The following EEF1AKMT4 variants were observed in gnomAD, a reference collection of about 807,000 sequenced individuals.
EEF1AKMT4 encodes EEF1A lysine methyltransferase 4.
In EEF1AKMT4, 17 loss-of-function variants were observed where a neutral mutation model predicts 23.0. The ratio of observed to expected loss-of-function variants is 0.74; its 90% CI spans 0.51 to 1.11. The LOEUF (loss-of-function observed/expected upper bound fraction) is 1.11. Among genes scored for constraint, EEF1AKMT4 ranks in the 50% least tolerant of loss-of-function variants. The pLI, the probability that EEF1AKMT4 is intolerant of heterozygous loss-of-function variation, is 0.00. For synonymous variants in EEF1AKMT4, 140 were observed against 141.4 expected, an observed-to-expected ratio of 0.99 and a Z score of 0.07; for missense variants, 318 against 333.4, an observed-to-expected ratio of 0.95 and a Z score of 0.36.
Position 184,257,703 on chromosome 3 carries a change from C to T in EEF1AKMT4, c.427C>T (p.Pro143Ser). Residue 143 changes from proline to serine, a missense_variant, in exon 2 of 3, where the codon CCC (proline) becomes TCC (serine). Pro to Ser is a moderately conservative substitution (Grantham distance 74, BLOSUM62 -1). Coordinates refer to ENST00000324557, the MANE Select transcript of EEF1AKMT4 (RefSeq NM_032331.4). Reference sequence around the variant, plus strand: ...TGCCCTGCTGGCTGGGGAACGAGATCCCTGGACCGTGTCCTCTGAAGGTGT... The same window carrying T: ...TGCCCTGCTGGCTGGGGAACGAGATTCCTGGACCGTGTCCTCTGAAGGTGT... ...LDALLAGERD[P>S]WTVSSEGVHT... The T allele has an allele frequency of 6.2e-7, 1 of 1,614,080 alleles. No individual in the cohort carries two copies. The highest frequency in any genetic ancestry group is 8.5e-7 in the Non-Finnish European group (1 of 1,180,028).
At position 184,257,528 on chromosome 3, in the gene EEF1AKMT4, G is replaced by A; in HGVS notation, c.252G>A (p.Val84=). The A allele has an allele frequency of 6.2e-7, 1 of 1,614,064 alleles. No individual in the cohort carries two copies. The highest frequency in any genetic ancestry group is 8.5e-7 in the Non-Finnish European group (1 of 1,180,008). ...TGTTCCTCGGAGGCTTCCCTAATGT[G>A]ACCAGTGTGGACTACTCATCAGTCG... is the stretch of plus-strand genomic sequence containing the variant. The part of the protein sequence containing the change: ...YELFLGGFPN[V]TSVDYSSVVV... Residue 84 remains valine (V), a synonymous_variant, in exon 2 of 3, where the codon GTG becomes GTA. Transcript: ENST00000324557.
intron 2 of EEF1AKMT4, 114 bp from the exon 3 acceptor site, chr3:184,258,174 C>A: frequency 1.0e-6 from 1 of 1,003,140 alleles, no homozygotes; most frequent in Non-Finnish European, 1.5e-6. Flanking sequence ...AAAGCCTGAG[C>A]TACAGATGTG....
chr3:184,258,545 T>C lies in EEF1AKMT4; in HGVS notation c.738T>C (p.His246=). 1 of 1,603,888 alleles carries C rather than the reference T, an allele frequency of 6.2e-7. No homozygotes were observed. Among genetic ancestry groups the C allele is most frequent in the Non-Finnish European group, 8.5e-7 (1 of 1,174,544 alleles). The change falls in exon 3 of 3, where the codon CAT becomes CAC. Residue 246 remains histidine, a synonymous_variant. Transcript: ENST00000324557. ...CTTGCTTCCTTCAGGACTCAGATCA[T>C]GAGGACTTCCTTAGTGCCATTCAGC... The part of the protein sequence containing the change: ...TSPCFLQDSD[H]EDFLSAIQL
chr3:184,249,980 T>A, intron 1 of EEF1AKMT4, 90 bp downstream of exon 1: 1 of 1,435,424 alleles, frequency 7.0e-7, no homozygotes, highest in Non-Finnish European at 9.4e-7. Context: ...CCCGCCTGTC[T>A]ATCCCTCTTG....
At chr3:184,254,128 A>G (rs2108449404) in intron 1 of EEF1AKMT4, among the ~76,000 whole-genome samples, 1 of 152,316 alleles carries the variant, frequency 6.6e-6, no homozygotes, top group East Asian at 1.9e-4. Context: ...CAGAGAACAG[A>G]GTACCCTGTT....
chr3:184,250,039 C>A, intron 1 of EEF1AKMT4, 149 bp downstream of exon 1: 1 of 871,964 alleles, frequency 1.1e-6, no homozygotes, highest in Non-Finnish European at 1.7e-6. Flanking sequence ...AGAGTCCCGG[C>A]TGTATTTAGT....
chr3:184,258,663 G>A lies in EEF1AKMT4; in HGVS notation c.*88G>A. The A allele has an allele frequency of 6.7e-7, 1 of 1,503,068 alleles. No individual in the cohort carries two copies. The highest frequency in any genetic ancestry group is 8.8e-7 in the Non-Finnish European group (1 of 1,130,314). The allele number at this position is 1,503,068 out of a possible 1,614,324, so 93.1% of individuals were successfully genotyped here. A position where few individuals can be genotyped will look rare whatever the true frequency, so the allele number is the denominator to read the frequency against. ...TTCCTGACTTAGGACTTGGGGTTGG[G>A]TCCAAGGTGCTTACATCCCAGGGGC... On this transcript the variant is annotated 3_prime_UTR_variant, in exon 3 of 3. Coordinates refer to ENST00000324557, the MANE Select transcript of EEF1AKMT4 (RefSeq NM_032331.4).
chr3:184,257,539 A>G lies in EEF1AKMT4; in HGVS notation c.263A>G (p.Asp88Gly). 1 of 1,614,126 alleles carries G rather than the reference A, an allele frequency of 6.2e-7. No individual in the cohort carries two copies. Among genetic ancestry groups the G allele is most frequent in the Non-Finnish European group, 8.5e-7 (1 of 1,180,024 alleles). ...GGCTTCCCTAATGTGACCAGTGTGG[A>G]CTACTCATCAGTCGTGGTGGCTGCC... ...LGGFPNVTSV[D>G]YSSVVVAAMQ... The change falls in exon 2 of 3, where the codon GAC becomes GGC. Residue 88 changes from aspartate to glycine, a missense_variant. Asp to Gly is a moderately conservative substitution (Grantham distance 94, BLOSUM62 -1). Transcript: ENST00000324557.
At chr3:184,254,540 TAA>T (rs1213250266) in intron 1 of EEF1AKMT4, among the ~76,000 whole-genome samples, 42 of 99,026 alleles carry the variant, frequency 4.2e-4, no homozygotes, top group Admixed American at 5.4e-4. Context: ...CCGTCTCTAC[TAA>T]AAAAAAAAAA....
rs111287000 is a variant in EEF1AKMT4 at position 184,249,681 on chromosome 3, C to T, written c.-14C>T. 2.5e-6 allele frequency: 4 copies of T among 1,580,162 alleles called. No individual in the cohort carries two copies. Among genetic ancestry groups the T allele is most frequent in the African/African-American group, 1.3e-5 (1 of 74,250 alleles). On this transcript the variant is annotated 5_prime_UTR_variant, in exon 1 of 3. Coordinates refer to ENST00000324557, the MANE Select transcript of EEF1AKMT4 (RefSeq NM_032331.4). ...TGAAGGGCCGGCGGCTCTGGCTGCC[C>T]GGCGGTTGAGAGCATGGCCTCTCCA...
chr3:184,250,832 C>G (rs546890686), intron 1 of EEF1AKMT4, among the ~76,000 whole-genome samples: 1 of 152,304 alleles, frequency 6.6e-6, no homozygotes, highest in East Asian at 1.9e-4. Flanking sequence ...GCCATTAATC[C>G]CAGCACTTTG....
chr3:184,257,566 T>C lies in EEF1AKMT4; in HGVS notation c.290T>C (p.Met97Thr), dbSNP rs1052544706. The change falls in exon 2 of 3, where the codon ATG becomes ACG. Residue 97 changes from methionine to threonine, a missense_variant. Physicochemically the swap from Met to Thr is moderately conservative, Grantham distance 81. Coordinates refer to ENST00000324557, the MANE Select transcript of EEF1AKMT4 (RefSeq NM_032331.4). The part of the protein sequence containing the change: ...VDYSSVVVAA[M>T]QARHAHVPQL... ...TACTCATCAGTCGTGGTGGCTGCCA[T>C]GCAGGCTCGCCATGCCCATGTGCCG... 53 of 1,614,182 alleles carry C rather than the reference T, an allele frequency of 3.3e-5. 1 individual carries two copies. Among genetic ancestry groups the C allele is most frequent in the African/African-American group, 1.6e-4 (12 of 75,076 alleles).
chr3:184,256,272 C>CAGAAAAAAAAAAAAAAA (rs1323118764), intron 1 of EEF1AKMT4, among the ~76,000 whole-genome samples: 1 of 54,206 alleles, frequency 1.8e-5, no homozygotes, highest in African/African-American at 6.6e-5. Context: ...AACTCCATCT[C>CAGAAAAAAAAAAAAAAA]AAAAAAAAAA....
At chr3:184,251,499 C>T (rs1719552070) in intron 1 of EEF1AKMT4, among the ~76,000 whole-genome samples, 2 of 151,860 alleles carry the variant, frequency 1.3e-5, no homozygotes, top group Admixed American at 6.6e-5. Context: ...CACCACTCCA[C>T]TCCAGCCTGG....
intron 1 of EEF1AKMT4, among the ~76,000 whole-genome samples, chr3:184,251,524 C>A (rs1188964899): frequency 4.6e-5 from 7 of 151,688 alleles, no homozygotes; most frequent in African/African-American, 1.2e-4. Context: ...CAGAGTAAGA[C>A]CCTGTCTCAA....
At chr3:184,252,582 C>T (rs985958469) in intron 1 of EEF1AKMT4, among the ~76,000 whole-genome samples, 6 of 152,140 alleles carry the variant, frequency 3.9e-5, no homozygotes, top group African/African-American at 1.4e-4. Context: ...GCTTTGCAGG[C>T]TACACAGTCT....
In EEF1AKMT4 at chr3:184,249,677, T is replaced by A; in HGVS notation, c.-18T>A. On this transcript the variant is annotated 5_prime_UTR_variant, in exon 1 of 3. Coordinates refer to ENST00000324557, the MANE Select transcript of EEF1AKMT4 (RefSeq NM_032331.4). ...TGGCTGAAGGGCCGGCGGCTCTGGC[T>A]GCCCGGCGGTTGAGAGCATGGCCTC... The A allele has an allele frequency of 6.3e-7, 1 of 1,577,848 alleles. No individual in the cohort carries two copies. Among genetic ancestry groups the A allele is most frequent in the Non-Finnish European group, 8.6e-7 (1 of 1,157,814 alleles).
At chr3:184,258,250 T>A in intron 2 of EEF1AKMT4, 38 bp from the exon 3 acceptor site, 1 of 1,567,484 alleles carries the variant, frequency 6.4e-7, no homozygotes, top group Non-Finnish European at 8.7e-7. Context: ...AACCTGAAGA[T>A]CCACTTCTCA....
At position 184,256,359 on chromosome 3, in the gene EEF1AKMT4, C is replaced by CTTCACT. The variant is rs1198945449; in HGVS notation, c.197-1112_197-1107dup. 5.3e-5 allele frequency among the ~76,000 whole-genome samples: 8 copies of CTTCACT among 152,124 alleles called. No individual in the cohort carries two copies. The South Asian group carries it at 1.5e-3, about 28-fold the overall frequency. ...ACTGTGTGTCCCCACCTAGTTTCCCCTTCACTTGTTAATTCTGTTTTGGAA... is the reference window on the plus strand; with the variant it reads ...ACTGTGTGTCCCCACCTAGTTTCCCCTTCACTTTCACTTGTTAATTCTGTTTTGGAA... On this transcript the variant is annotated intron_variant, in intron 1 of 2. Transcript: ENST00000324557.
Sources: allele counts gnomAD v4.1 joint callset (sites outside exome capture counted in the v4.1 genomes callset), GRCh38; gene constraint gnomAD v4.1.1; transcripts MANE v1.5; gene names NCBI Gene and HGNC (gene_info 2026-07-23, HGNC 2026-07-21).